The following RTN3 variants were observed in gnomAD, a reference collection of about 807,000 sequenced individuals.
The protein encoded by RTN3 is reticulon-3.
Under a neutral mutation model 77.8 loss-of-function variants are expected in RTN3, and 49 were observed. That is an observed-to-expected ratio of 0.63 (90% CI 0.50 to 0.80). The LOEUF is 0.80. Ranked by LOEUF, RTN3 falls within the 30% of genes least tolerant of loss-of-function variation. The pLI is 0.00. For missense variants in RTN3, 1,236 were observed against 1,211.9 expected (o/e 1.02, Z -0.29); for synonymous variants, 464 against 446.9 (o/e 1.04, Z -0.48).
chr11:63,694,918 A>G (rs576464349), intron 1 of RTN3, among the ~76,000 whole-genome samples: 1 of 152,322 alleles, frequency 6.6e-6, no homozygotes, highest in South Asian at 2.1e-4. Flanking sequence ...TAGTGATGTA[A>G]CAGAAGAGTG....
intron 3 of RTN3, among the ~76,000 whole-genome samples, chr11:63,721,592 G>C (rs1046137816): frequency 6.8e-6 from 1 of 146,366 alleles, no homozygotes. Flanking sequence ...AAAAAAAAAA[G>C]AAAATTTTTT....
chr11:63,725,490 C>T (rs569355262), intron 3 of RTN3, among the ~76,000 whole-genome samples: 4 of 151,776 alleles, frequency 2.6e-5, no homozygotes, highest in Non-Finnish European at 5.9e-5. Context: ...ACTCTGTCGC[C>T]CAGGCTGGAG....
intron 3 of RTN3, among the ~76,000 whole-genome samples, chr11:63,748,661 CTTTTTTTTT>C (rs561644667): frequency 9.4e-6 from 1 of 105,926 alleles, no homozygotes; most frequent in African/African-American, 3.9e-5. Context: ...GCCCCACTCA[CTTTTTTTTT>C]TTTTTTTTTT....
intron 3 of RTN3, among the ~76,000 whole-genome samples, chr11:63,733,229 C>T (rs2012820292): frequency 6.6e-6 from 1 of 151,810 alleles, no homozygotes; most frequent in Admixed American, 6.6e-5. Context: ...CCGAGGCAGG[C>T]ACATCATGAG....
chr11:63,724,968 T>G (rs377663569), intron 3 of RTN3, among the ~76,000 whole-genome samples: 21 of 152,120 alleles, frequency 1.4e-4, no homozygotes, highest in East Asian at 1.3e-3. Context: ...AGTTTTGTTT[T>G]TTTTTTTTTT....
intron 1 of RTN3, among the ~76,000 whole-genome samples, chr11:63,684,135 T>TTTTTTTTTTTTTTG (rs757743295): frequency 2.7e-4 from 3 of 11,068 alleles, no homozygotes; most frequent in Non-Finnish European, 9.4e-4. Context: ...TTTGGTTTTT[T>TTTTTTTTTTTTTTG]TTTTTTTTTT....
In RTN3 at chr11:63,719,096, A is replaced by C; in HGVS notation, c.594A>C (p.Ala198=). 6.2e-7 allele frequency: 1 copy of C among 1,614,218 alleles called. No individual in the cohort carries two copies. Among genetic ancestry groups the C allele is most frequent in the Non-Finnish European group, 8.5e-7 (1 of 1,180,038 alleles). Reference sequence around the variant, plus strand: ...TATCAAGTAGGGAGGCTAAAACTGCATTGGATGCTGATGACAGATTCACTT... The same window carrying C: ...TATCAAGTAGGGAGGCTAAAACTGCCTTGGATGCTGATGACAGATTCACTT... ...NGVSSREAKT[A]LDADDRFTLL... Residue 198 remains alanine (A), a synonymous_variant, in exon 3 of 9, where the codon GCA becomes GCC. Transcript: ENST00000377819.
intron 1 of RTN3, among the ~76,000 whole-genome samples, chr11:63,694,056 G>C (rs1434405203): frequency 6.6e-6 from 1 of 152,102 alleles, no homozygotes; most frequent in Non-Finnish European, 1.5e-5. Context: ...CAAGGTCGAG[G>C]CTGCAGTGAT....
intron 1 of RTN3, among the ~76,000 whole-genome samples, chr11:63,684,526 CAT>C (rs1401037233): frequency 6.6e-6 from 1 of 152,006 alleles, no homozygotes; most frequent in East Asian, 1.9e-4. Context: ...CTCCTGGCCT[CAT>C]GTGATCTGCC....
chr11:63,729,424 C>T (rs1220980189), intron 3 of RTN3, among the ~76,000 whole-genome samples: 2 of 138,386 alleles, frequency 1.4e-5, no homozygotes, highest in Non-Finnish European at 3.1e-5. Flanking sequence ...TGTACTATAG[C>T]AAAGGTTTCT....
chr11:63,729,418 C>CTA (rs908598067), intron 3 of RTN3, among the ~76,000 whole-genome samples: 3 of 137,476 alleles, frequency 2.2e-5, no homozygotes, highest in Non-Finnish European at 4.6e-5. Context: ...ATGGACTGTA[C>CTA]TATAGCAAAG....
intron 4 of RTN3, 52 bp downstream of exon 4, chr11:63,750,250 T>C (rs1217270568): frequency 6.9e-6 from 10 of 1,457,290 alleles, no homozygotes; most frequent in Non-Finnish European, 9.5e-6. Context: ...AAGGGTTCAC[T>C]GAAGCTGATA....
chr11:63,740,012 A>C (rs1044210914), intron 3 of RTN3, among the ~76,000 whole-genome samples: 1 of 152,140 alleles, frequency 6.6e-6, no homozygotes, highest in Non-Finnish European at 1.5e-5. Flanking sequence ...GAGATGCCTC[A>C]AAGTGATCCC....
At chr11:63,706,917 G>A (rs1411026486) in intron 2 of RTN3, among the ~76,000 whole-genome samples, 1 of 138,586 alleles carries the variant, frequency 7.2e-6, no homozygotes, top group Non-Finnish European at 1.5e-5. Context: ...TTTTTTTTGA[G>A]ATGGAGTCTT....
chr11:63,703,743 C>T (rs988292807), intron 1 of RTN3, among the ~76,000 whole-genome samples: 12 of 151,512 alleles, frequency 7.9e-5, no homozygotes, highest in African/African-American at 2.2e-4. Context: ...GGGGTTTCAC[C>T]GTGTTAGCCA....
At chr11:63,733,783 C>G (rs755684627) in intron 3 of RTN3, among the ~76,000 whole-genome samples, 1 of 148,412 alleles carries the variant, frequency 6.7e-6, no homozygotes, top group Non-Finnish European at 1.5e-5. Flanking sequence ...CCCAGCTACT[C>G]GGGAGGCTGA....
chr11:63,737,279 A>G (rs2013189601), intron 3 of RTN3, among the ~76,000 whole-genome samples: 2 of 152,326 alleles, frequency 1.3e-5, no homozygotes, highest in South Asian at 2.1e-4. Context: ...AGGGTAGGCA[A>G]AGATTTCTTA....
chr11:63,688,405 G>C (rs7932117), intron 1 of RTN3, among the ~76,000 whole-genome samples: 1 of 151,918 alleles, frequency 6.6e-6, no homozygotes, highest in Non-Finnish European at 1.5e-5. Flanking sequence ...TGTGTTTTTA[G>C]TAGAGACAGG....
chr11:63,703,722 T>G (rs1474463543), intron 1 of RTN3, among the ~76,000 whole-genome samples: 1 of 151,504 alleles, frequency 6.6e-6, no homozygotes, highest in East Asian at 1.9e-4. Context: ...TTTTGTATTT[T>G]TCATAGAGAC....
Sources: gnomAD v4.1 joint callset for allele counts (sites outside exome capture counted in the v4.1 genomes callset) on GRCh38, gnomAD v4.1.1 for gene constraint, MANE v1.5 for transcripts, NCBI Gene and HGNC (gene_info 2026-07-23, HGNC 2026-07-21) for gene names.